The following GABRB3 variants were observed in gnomAD, a reference collection of about 807,000 sequenced individuals.
The protein encoded by GABRB3 is gamma-aminobutyric acid receptor subunit beta-3.
GABRB3 carries 14 observed loss-of-function variants against 52.1 expected under a neutral mutation model. That is an observed-to-expected ratio of 0.27 (90% CI 0.18 to 0.42). GABRB3 has a LOEUF of 0.42. Among genes scored for constraint, GABRB3 ranks in the 10% least tolerant of loss-of-function variants. The pLI is 1.00. For synonymous variants in GABRB3, 260 were observed against 232.3 expected (o/e 1.12, Z -1.08); for missense variants, 307 against 609.1 (o/e 0.50, Z 5.22).
intron 8 of GABRB3, among the ~76,000 whole-genome samples, chr15:26,558,165 A>T (rs945946037): frequency 6.6e-6 from 1 of 152,206 alleles, no homozygotes; most frequent in African/African-American, 2.4e-5. Context: ...TAGGATGTGG[A>T]CCTATTTAGA....
chr15:26,574,612 T>C (rs1252823496), intron 6 of GABRB3, among the ~76,000 whole-genome samples: 1 of 152,072 alleles, frequency 6.6e-6, no homozygotes, highest in African/African-American at 2.4e-5. Flanking sequence ...TGGATGAACC[T>C]TGAAAACCAT....
intron 3 of GABRB3, among the ~76,000 whole-genome samples, chr15:26,688,257 C>T (rs1200373036): frequency 1.3e-5 from 2 of 152,188 alleles, no homozygotes; most frequent in African/African-American, 4.8e-5. Flanking sequence ...ACATCAGCCC[C>T]GTGATCAATG....
chr15:26,602,689 GA>G (rs1160634379), intron 4 of GABRB3, among the ~76,000 whole-genome samples: 2 of 151,952 alleles, frequency 1.3e-5, no homozygotes, highest in African/African-American at 4.8e-5. Context: ...AATTAAGAAA[GA>G]AACTGAAAAA....
chr15:26,708,146 T>C (rs2140126466), intron 3 of GABRB3, among the ~76,000 whole-genome samples: 1 of 152,328 alleles, frequency 6.6e-6, no homozygotes, highest in East Asian at 1.9e-4. Flanking sequence ...GAAATACTAG[T>C]TTTCCTAGAG....
intron 4 of GABRB3, among the ~76,000 whole-genome samples, chr15:26,603,953 C>A (rs139687677): frequency 6.6e-6 from 1 of 152,022 alleles, no homozygotes; most frequent in Non-Finnish European, 1.5e-5. Context: ...AAATAAAAGA[C>A]ATCCAAATTA....
At chr15:26,576,647 GAA>G (rs944409145) in intron 6 of GABRB3, among the ~76,000 whole-genome samples, 2 of 152,014 alleles carry the variant, frequency 1.3e-5, no homozygotes, top group Non-Finnish European at 2.9e-5. Context: ...GAGAGAGAAA[GAA>G]AAAAGAGAGA....
rs1033804507 is a variant in GABRB3, at chr15:26,694,993, G to A, written c.241-73459C>T. Among the ~76,000 whole-genome samples, 9 of 152,100 alleles carry A rather than the reference G, an allele frequency of 5.9e-5. 1 individual carries two copies. Among genetic ancestry groups the A allele is most frequent in the Admixed American group, 5.9e-4 (9 of 15,268 alleles). ...CAGCGAGCTCACAAATATGTCAATAGAGACTTTTCAAACTGAAAAATAAAG... is the reference window on the plus strand; with the variant it reads ...CAGCGAGCTCACAAATATGTCAATAAAGACTTTTCAAACTGAAAAATAAAG... On this transcript the variant is annotated intron_variant, in intron 3 of 8. Transcript: ENST00000311550.
chr15:26,557,006 T>C (rs1889777648), intron 8 of GABRB3, among the ~76,000 whole-genome samples: 1 of 152,098 alleles, frequency 6.6e-6, no homozygotes, highest in Admixed American at 6.6e-5. Flanking sequence ...TTATTCACAA[T>C]AGTAAAGACA....
At chr15:26,748,515 G>T (rs1890411329) in intron 3 of GABRB3, among the ~76,000 whole-genome samples, 1 of 152,008 alleles carries the variant, frequency 6.6e-6, no homozygotes, top group African/African-American at 2.4e-5. Flanking sequence ...ATTGTTCGTG[G>T]TATTCCCTTA....
At position 26,546,021 on chromosome 15, in the gene GABRB3, C is replaced by T. The variant is rs969802591; in HGVS notation, c.*1772G>A. 4 of 152,764 alleles carry T rather than the reference C, an allele frequency of 2.6e-5. No individual in the cohort carries two copies. The highest frequency in any genetic ancestry group is 3.9e-4 in the East Asian group (2 of 5,176). The allele number at this position is 152,764 out of a possible 1,614,324, so 9.5% of individuals were successfully genotyped here. ...GTGGTCAGCTCATGGGGATAGTCCA[C>T]ACCACACGCATCCTCGGGGAGGGTG... On this transcript the variant is annotated 3_prime_UTR_variant, in exon 9 of 9. Coordinates refer to ENST00000311550, the MANE Select transcript of GABRB3 (RefSeq NM_000814.6).
intron 3 of GABRB3, chr15:26,749,995 T>G (rs758935070): frequency 6.6e-6 from 1 of 152,224 alleles, no homozygotes; most frequent in Non-Finnish European, 1.5e-5. Flanking sequence ...AGGAAGGACC[T>G]GGGAGGAATG....
intron 4 of GABRB3, among the ~76,000 whole-genome samples, chr15:26,605,110 T>C (rs759919342): frequency 1.1e-4 from 17 of 152,118 alleles, no homozygotes; most frequent in Admixed American, 7.9e-4. Context: ...AAGAGTTGAA[T>C]AGACATTTCT....
chr15:26,649,423 C>T (rs1423171703), intron 3 of GABRB3, among the ~76,000 whole-genome samples: 2 of 152,200 alleles, frequency 1.3e-5, no homozygotes, highest in Non-Finnish European at 2.9e-5. Context: ...CTACTGCCAC[C>T]TTGCCCTTGG....
intron 3 of GABRB3, among the ~76,000 whole-genome samples, chr15:26,720,782 AG>A (rs2140140994): frequency 6.6e-6 from 1 of 152,324 alleles, no homozygotes; most frequent in South Asian, 2.1e-4. Flanking sequence ...CCCGGAATCG[AG>A]GTTGAAGGAC....
chr15:26,563,454 A>T (rs1379556635), intron 7 of GABRB3, among the ~76,000 whole-genome samples: 2 of 152,166 alleles, frequency 1.3e-5, no homozygotes, highest in Non-Finnish European at 2.9e-5. Flanking sequence ...TTTACCTGCT[A>T]TGGGGGATAC....
At chr15:26,656,666 C>T (rs1887381756) in intron 3 of GABRB3, among the ~76,000 whole-genome samples, 1 of 152,286 alleles carries the variant, frequency 6.6e-6, no homozygotes, top group South Asian at 2.1e-4. Flanking sequence ...GTGAACTGCA[C>T]ATGTGAGGGA....
intron 3 of GABRB3, among the ~76,000 whole-genome samples, chr15:26,760,636 G>T (rs768390843): frequency 7.2e-5 from 11 of 152,100 alleles, no homozygotes; most frequent in Non-Finnish European, 1.5e-4. Flanking sequence ...TGATTGAAAA[G>T]TGGTTCTCCA....
At chr15:26,679,116 A>G (rs1432176042) in intron 3 of GABRB3, among the ~76,000 whole-genome samples, 1 of 152,146 alleles carries the variant, frequency 6.6e-6, no homozygotes, top group Non-Finnish European at 1.5e-5. Flanking sequence ...GATGAAACCA[A>G]CACTTCAGTC....
At chr15:26,599,363 AT>A (rs1374796054) in intron 4 of GABRB3, among the ~76,000 whole-genome samples, 2 of 152,178 alleles carry the variant, frequency 1.3e-5, no homozygotes, top group African/African-American at 4.8e-5. Context: ...CCACATCAGG[AT>A]GGGCTCCACC....
Sources: allele counts gnomAD v4.1 joint callset (sites outside exome capture counted in the v4.1 genomes callset), GRCh38; gene constraint gnomAD v4.1.1; transcripts MANE v1.5; gene names NCBI Gene and HGNC (gene_info 2026-07-23, HGNC 2026-07-21).